Variants in SPATA6 observed in about 807,000 individuals in gnomAD.
SPATA6 encodes the protein spermatogenesis associated 6.
SPATA6 carries 56 observed loss-of-function variants against 65.3 expected under a neutral mutation model. That is an observed-to-expected ratio of 0.86 (90% confidence interval 0.69 to 1.07). SPATA6 has a LOEUF of 1.07. Ranked by LOEUF, SPATA6 falls within the 50% of genes least tolerant of loss-of-function variation. The pLI, the probability that SPATA6 is intolerant of heterozygous loss-of-function variation, is 0.00. For missense variants in SPATA6, 590 were observed against 594.8 expected (o/e 0.99, Z 0.08); for synonymous variants, 199 against 213.2 (o/e 0.93, Z 0.58).
chr1:48,466,826 C>A (rs1027660301), intron 1 of SPATA6, among the ~76,000 whole-genome samples: 11 of 151,970 alleles, frequency 7.2e-5, no homozygotes, highest in African/African-American at 2.7e-4. Flanking sequence ...CTGAAAGAAG[C>A]CAGATCTGTC....
intron 8 of SPATA6, 93 bp downstream of exon 8, chr1:48,395,174 C>A: frequency 2.1e-6 from 2 of 937,374 alleles, no homozygotes; most frequent in East Asian, 2.9e-5. Context: ...AATAATGTAA[C>A]AAAGATTCTG....
chr1:48,464,987 G>C (rs1657710259), intron 1 of SPATA6, among the ~76,000 whole-genome samples: 1 of 151,870 alleles, frequency 6.6e-6, no homozygotes, highest in Non-Finnish European at 1.5e-5. Flanking sequence ...TTGTTTACCA[G>C]AAACGAAAAA....
At chr1:48,384,440 T>C (rs1649243582) in intron 9 of SPATA6, among the ~76,000 whole-genome samples, 1 of 144,460 alleles carries the variant, frequency 6.9e-6, no homozygotes, top group Admixed American at 7.2e-5. Flanking sequence ...TTTCTTTTGT[T>C]TTCCCACATA....
chr1:48,313,492 G>A, intron 11 of SPATA6, among the ~76,000 whole-genome samples: 1 of 152,108 alleles, frequency 6.6e-6, no homozygotes, highest in Non-Finnish European at 1.5e-5. Flanking sequence ...ACAAGCAAAT[G>A]CTGAGAGATT....
chr1:48,459,369 G>T (rs1657251503), intron 1 of SPATA6, among the ~76,000 whole-genome samples: 1 of 151,946 alleles, frequency 6.6e-6, no homozygotes, highest in Admixed American at 6.6e-5. Context: ...GTAGACTTCA[G>T]AAAGAGAAAA....
At chr1:48,303,822 T>G (rs1644995825) in intron 12 of SPATA6, among the ~76,000 whole-genome samples, 1 of 152,202 alleles carries the variant, frequency 6.6e-6, no homozygotes, top group Admixed American at 6.5e-5. Flanking sequence ...TTATATGCTT[T>G]TGGTCAATTC....
At chr1:48,425,005 G>T (rs1384924439) in intron 3 of SPATA6, among the ~76,000 whole-genome samples, 4 of 152,074 alleles carry the variant, frequency 2.6e-5, no homozygotes, top group African/African-American at 9.7e-5. Flanking sequence ...TGTGATCCCA[G>T]TTGTCCACAT....
At chr1:48,363,296 C>G (rs1410335920) in intron 9 of SPATA6, among the ~76,000 whole-genome samples, 1 of 152,092 alleles carries the variant, frequency 6.6e-6, no homozygotes, top group Non-Finnish European at 1.5e-5. Flanking sequence ...CATTTCCTTT[C>G]AAAAGCTAAA....
the SPATA6 span, among the ~76,000 whole-genome samples, chr1:48,288,635 T>C: frequency 6.6e-6 from 1 of 152,138 alleles, no homozygotes; most frequent in African/African-American, 2.4e-5. Flanking sequence ...GAAAACCAGG[T>C]CACTCCCACC....
intron 12 of SPATA6, among the ~76,000 whole-genome samples, chr1:48,302,613 A>C (rs546363553): frequency 1.6e-4 from 24 of 152,306 alleles, no homozygotes; most frequent in African/African-American, 5.5e-4. Context: ...TAATATATTC[A>C]AAGTTTATCT....
intron 11 of SPATA6, among the ~76,000 whole-genome samples, chr1:48,332,256 T>C (rs938641981): frequency 6.6e-6 from 1 of 152,082 alleles, no homozygotes; most frequent in African/African-American, 2.4e-5. Flanking sequence ...TGTAAATGGG[T>C]TAGGTGCCCC....
At chr1:48,264,452 G>A in the SPATA6 span, among the ~76,000 whole-genome samples, 1 of 152,068 alleles carries the variant, frequency 6.6e-6, no homozygotes, top group Non-Finnish European at 1.5e-5. Context: ...CACGTACCAT[G>A]GTGGGTTGCT....
At chr1:48,269,559 A>G in the SPATA6 span, among the ~76,000 whole-genome samples, 1 of 152,150 alleles carries the variant, frequency 6.6e-6, no homozygotes, top group East Asian at 1.9e-4. Flanking sequence ...ATATATGACA[A>G]AGAATGTCCA....
chr1:48,363,734 T>C (rs1646895064), intron 9 of SPATA6, among the ~76,000 whole-genome samples: 1 of 151,670 alleles, frequency 6.6e-6, no homozygotes, highest in Middle Eastern at 3.4e-3. Context: ...AATCTGAAAC[T>C]GGTACAGGTA....
chr1:48,311,318 AG>A (rs1483149155), intron 11 of SPATA6, among the ~76,000 whole-genome samples: 1 of 152,168 alleles, frequency 6.6e-6, no homozygotes, highest in Non-Finnish European at 1.5e-5. Context: ...AGTTAGACCA[AG>A]GCTCTAATTA....
intron 9 of SPATA6, among the ~76,000 whole-genome samples, chr1:48,365,239 T>C (rs1646961696): frequency 6.6e-6 from 1 of 152,164 alleles, no homozygotes; most frequent in Non-Finnish European, 1.5e-5. Flanking sequence ...GCGTGGTGCC[T>C]CCGGGTTTGT....
At chr1:48,340,468 T>C (rs1303372497) in intron 11 of SPATA6, among the ~76,000 whole-genome samples, 17 of 151,186 alleles carry the variant, frequency 1.1e-4, no homozygotes, top group Admixed American at 1.1e-3. Context: ...GGAATATAAA[T>C]GGAATGCAAA....
Position 48,298,849 on chromosome 1 carries a change from T to G in SPATA6, c.1331A>C (p.Glu444Ala). The change falls in exon 13 of 13, where the codon GAA becomes GCA. Residue 444 changes from glutamate to alanine, a missense_variant. Physicochemically the swap from Glu to Ala is moderately radical, Grantham distance 107. Coordinates refer to ENST00000371847, the MANE Select transcript of SPATA6 (RefSeq NM_019073.4). ...PRGTFHLDDG[E>A]YWSNRAASYK... ...AGAGGCTGCCCTGTTGGACCAGTATTCACCGTCATCCAAATGGAAAGTGCC... is the reference window on the plus strand; with the variant it reads ...AGAGGCTGCCCTGTTGGACCAGTATGCACCGTCATCCAAATGGAAAGTGCC... 1.2e-6 allele frequency: 2 copies of G among 1,613,924 alleles called. No homozygotes were observed. The highest frequency in any genetic ancestry group is 1.7e-6 in the Non-Finnish European group (2 of 1,179,914).
the SPATA6 span, among the ~76,000 whole-genome samples, chr1:48,275,105 T>C: frequency 6.6e-6 from 1 of 152,196 alleles, no homozygotes; most frequent in East Asian, 1.9e-4. Flanking sequence ...GTAGCAATTG[T>C]GAATGGGAGT....
Sources: gnomAD v4.1 joint callset for allele counts (sites outside exome capture counted in the v4.1 genomes callset) on GRCh38, gnomAD v4.1.1 for gene constraint, MANE v1.5 for transcripts, NCBI Gene and HGNC (gene_info 2026-07-23, HGNC 2026-07-21) for gene names.